Variants in PGK1 observed in about 807,000 individuals in gnomAD.
PGK1 encodes phosphoglycerate kinase 1, also known as PRP 2.
In PGK1, 3 loss-of-function variants were observed where a neutral mutation model predicts 26.9. That is an observed-to-expected ratio of 0.11 (90% CI 0.05 to 0.29). The LOEUF is 0.29. Ranked by LOEUF, PGK1 falls within the 10% of genes least tolerant of loss-of-function variation. The pLI is 1.00. For synonymous variants in PGK1, 125 were observed against 115.3 expected (o/e 1.08, Z -0.54); for missense variants, 270 against 314.7 (o/e 0.86, Z 1.07).
chrX:78,120,953 A>C (rs1236731859), intron 6 of PGK1, among the ~76,000 whole-genome samples: 1 of 112,305 alleles, frequency 8.9e-6, no homozygotes, highest in Non-Finnish European at 1.9e-5. Context: ...TGAGCATCCT[A>C]ATCTGAAAAT....
Position 78,113,839 on chromosome X carries a change from C to T in PGK1, c.212C>T (p.Pro71Leu), listed in dbSNP as rs377351700. ...CACCTAGGCCGGCCTGATGGTGTGC[C>T]CATGCCTGACAAGTACTCCTTAGAG... is the stretch of plus-strand genomic sequence containing the variant. ...MSHLGRPDGV[P>L]MPDKYSLEPV... The change falls in exon 3 of 11, where the codon CCC becomes CTC. Residue 71 changes from proline (P) to leucine (L), a missense_variant. Coordinates refer to ENST00000373316, the MANE Select transcript of PGK1 (RefSeq NM_000291.4). 3 of 1,208,687 alleles carry T rather than the reference C, an allele frequency of 2.5e-6. No homozygotes were observed. Among genetic ancestry groups the T allele is most frequent in the South Asian group, 1.8e-5 (1 of 56,774 alleles).
chrX:78,117,400 C>T lies in PGK1; in HGVS notation c.506C>T (p.Ala169Val), dbSNP rs782474469. The T allele has an allele frequency of 1.0e-5, 12 of 1,155,440 alleles. No homozygotes were observed. The East Asian group carries it at 2.4e-4, about 23-fold the overall frequency. The change falls in exon 5 of 11, where the codon GCT (alanine) becomes GTT (valine). Residue 169 changes from alanine (A) to valine (V), a missense_variant. Ala to Val is a moderately conservative substitution (Grantham distance 64). Transcript: ENST00000373316. ...DVYVNDAFGT[A>V]HRAHSSMVGV... ...TATGTCAATGATGCTTTTGGCACTG[C>T]TCACAGAGCCCACAGGTACCAAGAA...
intron 5 of PGK1, among the ~76,000 whole-genome samples, 179 bp downstream of exon 5, chrX:78,117,594 T>TA (rs1410868637): frequency 8.9e-6 from 1 of 112,598 alleles, no homozygotes; most frequent in East Asian, 2.8e-4. Flanking sequence ...GAAATAAAGG[T>TA]AAAAAAATGT....
At chrX:78,119,118 C>T (rs532172773) in intron 6 of PGK1, among the ~76,000 whole-genome samples, 2 of 110,782 alleles carry the variant, frequency 1.8e-5, no homozygotes, top group East Asian at 5.7e-4. Flanking sequence ...AGGGTATAAC[C>T]ATATAATCTG....
chrX:78,124,562 G>A (rs1164521271), intron 8 of PGK1, among the ~76,000 whole-genome samples: 1 of 111,290 alleles, frequency 9.0e-6, no homozygotes, highest in Non-Finnish European at 1.9e-5. Flanking sequence ...TCTAGACATT[G>A]CCACATGCCT....
At position 78,122,872 on chromosome X, in the gene PGK1, A is replaced by C. The variant is rs782806700; in HGVS notation, c.679A>C (p.Met227Leu). ...AGACAAGATCCAGCTCATCAATAATATGCTGGACAAAGTCAATGAGATGAT... is the reference window on the plus strand; with the variant it reads ...AGACAAGATCCAGCTCATCAATAATCTGCTGGACAAAGTCAATGAGATGAT... ...VADKIQLINN[M>L]LDKVNEMIIG... is the part of the protein sequence containing the mutation. Residue 227 changes from methionine (M) to leucine (L), a missense_variant, in exon 7 of 11, where the codon ATG (methionine) becomes CTG (leucine). This residue lies in a region of PGK1 where 17 missense variants were observed against 45.5 expected (regional missense o/e 0.37). Transcript: ENST00000373316. 8.3e-7 allele frequency: 1 copy of C among 1,200,521 alleles called. No individual in the cohort carries two copies. The highest frequency in any genetic ancestry group is 1.8e-5 in the South Asian group (1 of 56,691).
intron 8 of PGK1, among the ~76,000 whole-genome samples, chrX:78,124,355 A>G (rs2078371864): frequency 8.9e-6 from 1 of 111,832 alleles, no homozygotes; most frequent in Admixed American, 9.5e-5. Context: ...GGGTGGGGCC[A>G]AACAGTCTGT....
chrX:78,106,819 C>T (rs1244294047), intron 1 of PGK1: 2 of 138,180 alleles, frequency 1.4e-5, no homozygotes, highest in Non-Finnish European at 2.6e-5. Context: ...CATAGGTTGC[C>T]AGTCATCCTT....
intron 6 of PGK1, among the ~76,000 whole-genome samples, chrX:78,119,187 T>C (rs782388215): frequency 4.5e-5 from 5 of 112,045 alleles, no homozygotes; most frequent in East Asian, 5.6e-4. Context: ...AGGGTATAAC[T>C]ATGAAAACCT....
chrX:78,113,246 T>C (rs1156747940), intron 2 of PGK1, among the ~76,000 whole-genome samples: 1 of 110,957 alleles, frequency 9.0e-6, no homozygotes, highest in Non-Finnish European at 1.9e-5. Flanking sequence ...TGCAGTGAGC[T>C]GAGATTGTGC....
intron 2 of PGK1, 78 bp from the exon 3 acceptor site, chrX:78,113,666 A>G: frequency 1.1e-6 from 1 of 901,217 alleles, no homozygotes; most frequent in African/African-American, 1.9e-5. Flanking sequence ...TTTATGCTTT[A>G]TGAGGTTATC....
intron 6 of PGK1, among the ~76,000 whole-genome samples, chrX:78,118,986 T>C (rs782728549): frequency 9.0e-6 from 1 of 111,373 alleles, no homozygotes; most frequent in South Asian, 3.8e-4. Context: ...TGCAACAGGG[T>C]AGAGAAGGAT....
intron 6 of PGK1, 148 bp downstream of exon 6, chrX:78,118,318 A>C: frequency 4.8e-6 from 3 of 628,891 alleles, no homozygotes; most frequent in East Asian, 3.4e-5. Flanking sequence ...ATGGTGGCTC[A>C]CACCTGTAAT....
At chrX:78,117,970 T>A in intron 5 of PGK1, 81 bp from the exon 6 acceptor site, 1 of 950,234 alleles carries the variant, frequency 1.1e-6, no homozygotes, top group Non-Finnish European at 1.5e-6. Context: ...TAGAAATATT[T>A]TAGTGATAAG....
At chrX:78,117,485 G>A in intron 5 of PGK1, 70 bp downstream of exon 5, 1 of 730,191 alleles carries the variant, frequency 1.4e-6, no homozygotes, top group Admixed American at 2.3e-5. Flanking sequence ...CCAAGCTCTG[G>A]GTTGTTTTTG....
rs1453172040 is a variant in PGK1, at chrX:78,129,119, T to C, written c.*3289T>C. The C allele has an allele frequency of 9.0e-6, 1 of 111,010 alleles. No homozygotes were observed. Among genetic ancestry groups the C allele is most frequent in the Admixed American group, 9.6e-5 (1 of 10,453 alleles). 9.1% of individuals were successfully genotyped at this position (111,010 alleles called of 1,213,427 possible). On this transcript the variant is annotated 3_prime_UTR_variant, in exon 11 of 11. Coordinates refer to ENST00000373316, the MANE Select transcript of PGK1 (RefSeq NM_000291.4). ...GGGAGGCTGAGGCAGGAGAATGGCG[T>C]GAACCTGGGAAGCGGAGCTCGCAGT...
At chrX:78,125,520 T>C in intron 10 of PGK1, 95 bp downstream of exon 10, 1 of 614,455 alleles carries the variant, frequency 1.6e-6, no homozygotes, top group South Asian at 2.4e-5. Flanking sequence ...GAAGGTAGTG[T>C]TGTCATTAGC....
rs1330592690 is a variant in PGK1, at chrX:78,129,225, C to CTATCTA, written c.*3397_*3402dup. On this transcript the variant is annotated 3_prime_UTR_variant, in exon 11 of 11. Transcript: ENST00000373316. ...AGAGCATACCCATGTGTGTACCTAT[C>CTATCTA]TATCTATCTATCTATCTATCTATCT... 3.7e-4 allele frequency: 37 copies of CTATCTA among 99,055 alleles called. No individual in the cohort carries two copies. Among genetic ancestry groups the CTATCTA allele is most frequent in the African/African-American group, 1.4e-3 (37 of 26,991 alleles). The allele number at this position is 99,055 out of a possible 1,213,427, so 8.2% of individuals were successfully genotyped here. A position where few individuals can be genotyped will look rare whatever the true frequency, so the allele number is the denominator to read the frequency against.
intron 6 of PGK1, among the ~76,000 whole-genome samples, chrX:78,120,847 G>T (rs1037053240): frequency 2.7e-5 from 3 of 111,932 alleles, no homozygotes; most frequent in Non-Finnish European, 5.6e-5. Flanking sequence ...ACTTACATAG[G>T]TTGAGTATCT....
Sources: allele counts gnomAD v4.1 joint callset (sites outside exome capture counted in the v4.1 genomes callset), GRCh38; gene constraint gnomAD v4.1.1; regional missense constraint gnomAD v4.1.1; transcripts MANE v1.5; gene names NCBI Gene and HGNC (gene_info 2026-07-23, HGNC 2026-07-21).